DYNLRB2: variants seen among roughly 807,000 people sequenced by gnomAD.
The protein encoded by DYNLRB2 is bithoraxoid-like protein.
DYNLRB2 carries 14 observed loss-of-function variants against 12.6 expected under a neutral mutation model. That is an observed-to-expected ratio of 1.11 (90% CI 0.73 to 1.73). The LOEUF (loss-of-function observed/expected upper bound fraction) is 1.73. DYNLRB2 is among the 40% of genes most tolerant of loss of function. The pLI is 0.00. For synonymous variants in DYNLRB2, 53 were observed against 37.0 expected (o/e 1.43, Z -1.57); for missense variants, 142 against 117.7 (o/e 1.21, Z -0.95).
intron 2 of DYNLRB2, among the ~76,000 whole-genome samples, chr16:80,545,569 A>T (rs967590010): frequency 1.3e-5 from 2 of 151,518 alleles, no homozygotes; most frequent in Non-Finnish European, 2.9e-5. Context: ...GGGTAGTGAG[A>T]TGAAAAGTGA....
chr16:80,546,409 A>G lies in DYNLRB2; in HGVS notation c.79+3058A>G, dbSNP rs1302578704. On this transcript the variant is annotated intron_variant, in intron 2 of 3. Transcript: ENST00000305904. The stretch of plus-strand genomic sequence containing the variant: ...CAAATCATTTTAGCATTTTCAGATT[A>G]TATTTGTGGTTAGGTCAGACTTCTA... 2.0e-5 allele frequency among the ~76,000 whole-genome samples: 3 copies of G among 152,192 alleles called. No homozygotes were observed. The East Asian group carries it at 5.8e-4, about 29-fold the overall frequency.
rs1447302952 is a variant in DYNLRB2, at chr16:80,550,593, G to A, written c.*35G>A. 2 of 1,612,492 alleles carry A rather than the reference G, an allele frequency of 1.2e-6. No homozygotes were observed. The highest frequency in any genetic ancestry group is 1.7e-6 in the Non-Finnish European group (2 of 1,178,732). ...GGCCAAGGCTGTTTAAGCGACACTG[G>A]GTTGGAAACACTTGGCTCTCTCATG... On this transcript the variant is annotated 3_prime_UTR_variant, in exon 4 of 4. Transcript: ENST00000305904.
chr16:80,541,596 A>AG (rs1904288934), intron 1 of DYNLRB2, among the ~76,000 whole-genome samples: 1 of 135,088 alleles, frequency 7.4e-6, no homozygotes, highest in African/African-American at 2.7e-5. Context: ...AAAAGAGGTA[A>AG]GAAAAAAAAA....
chr16:80,540,787 G>A (rs1295764754), upstream of DYNLRB2: 5 of 704,084 alleles, frequency 7.1e-6, no homozygotes, highest in Non-Finnish European at 1.0e-5. Flanking sequence ...ACAAACACAG[G>A]CCGGGAGCCT....
chr16:80,545,887 T>G (rs546523991), intron 2 of DYNLRB2, among the ~76,000 whole-genome samples: 1 of 151,680 alleles, frequency 6.6e-6, no homozygotes, highest in East Asian at 1.9e-4. Flanking sequence ...TTCACCATGG[T>G]TTCGATCTCC....
intron 1 of DYNLRB2, 56 bp downstream of exon 1, chr16:80,541,135 G>A: frequency 3.8e-6 from 6 of 1,585,306 alleles, no homozygotes; most frequent in Admixed American, 3.5e-5. Flanking sequence ...GACCGTCAAG[G>A]ACCTTCGCAC....
intron 2 of DYNLRB2, chr16:80,547,648 T>C: frequency 2.5e-6 from 1 of 401,740 alleles, no homozygotes; most frequent in Non-Finnish European, 4.9e-6. Context: ...TACTGAGCAT[T>C]GCACCCTTAG....
Position 80,541,036 on chromosome 16 carries a change from C to G in DYNLRB2, c.-41C>G. 1.9e-6 allele frequency: 3 copies of G among 1,602,484 alleles called. No individual in the cohort carries two copies. Among genetic ancestry groups the G allele is most frequent in the African/African-American group, 1.3e-5 (1 of 74,882 alleles). ...GTAGCGTTGTTGACATCCCGGGAGGCTGTGCCGCCGGCCTGAGCCCAGAGT... is the reference window on the plus strand; with the variant it reads ...GTAGCGTTGTTGACATCCCGGGAGGGTGTGCCGCCGGCCTGAGCCCAGAGT... On this transcript the variant is annotated 5_prime_UTR_variant, in exon 1 of 4. Coordinates refer to ENST00000305904, the MANE Select transcript of DYNLRB2 (RefSeq NM_130897.3).
intron 2 of DYNLRB2, among the ~76,000 whole-genome samples, chr16:80,548,542 T>C (rs1312636216): frequency 6.6e-6 from 1 of 152,042 alleles, no homozygotes; most frequent in East Asian, 1.9e-4. Flanking sequence ...ACCAACATGG[T>C]GAAACCCTGT....
At chr16:80,540,951 C>G (rs535572003), upstream of DYNLRB2, 7 of 1,534,390 alleles carry the variant, frequency 4.6e-6, no homozygotes, top group African/African-American at 8.2e-5. Flanking sequence ...CGCGAGCGCG[C>G]AGGCGCAGCC....
chr16:80,546,941 C>G (rs1031719636), intron 2 of DYNLRB2, among the ~76,000 whole-genome samples: 4 of 152,178 alleles, frequency 2.6e-5, no homozygotes, highest in African/African-American at 9.7e-5. Flanking sequence ...GTAGTGCCAT[C>G]AGATTTTAGA....
Position 80,549,600 on chromosome 16 carries a change from C to T in DYNLRB2, c.196C>T (p.Leu66=), listed in dbSNP as rs11866734. The T allele has an allele frequency of 0.22, 349,140 of 1,611,236 alleles. 40,983 individuals carry two copies. The highest frequency in any genetic ancestry group is 0.33 in the Middle Eastern group (2,007 of 6,050). Residue 66 remains leucine (L), a synonymous_variant, in exon 3 of 4, where the codon CTG becomes TTG. Coordinates refer to ENST00000305904, the MANE Select transcript of DYNLRB2 (RefSeq NM_130897.3). ...TVRDIDPQND[L]TFLRIRSKKH... The stretch of plus-strand genomic sequence containing the variant: ...TCGTGATATTGATCCTCAGAACGAC[C>T]TGACTTTTCTTAGGATCAGATCAAA...
Position 80,549,631 on chromosome 16 carries a change from A to G in DYNLRB2, c.227A>G (p.His76Arg), listed in dbSNP as rs1361028180. The G allele has an allele frequency of 6.9e-6, 11 of 1,603,488 alleles. No individual in the cohort carries two copies. Among genetic ancestry groups the G allele is most frequent in the Non-Finnish European group, 7.7e-6 (9 of 1,171,928 alleles). Reference sequence around the variant, plus strand: ...TTTCTTAGGATCAGATCAAAGAAACATGAAATCATGGTAGCTCCAGGTAAT... The same window carrying G: ...TTTCTTAGGATCAGATCAAAGAAACGTGAAATCATGGTAGCTCCAGGTAAT... The part of the protein sequence containing the change: ...LTFLRIRSKK[H>R]EIMVAPDKEY... The change falls in exon 3 of 4, where the codon CAT becomes CGT. Residue 76 changes from histidine (H) to arginine (R), a missense_variant. His to Arg is a conservative substitution (Grantham distance 29). Transcript: ENST00000305904.
chr16:80,541,398 A>C (rs1406663718), intron 1 of DYNLRB2: 1 of 984,528 alleles, frequency 1.0e-6, no homozygotes, highest in Admixed American at 6.1e-5. Flanking sequence ...GAGCCAGGAA[A>C]GTTTCCAAAG....
intron 2 of DYNLRB2, among the ~76,000 whole-genome samples, chr16:80,545,811 GA>G (rs1904424194): frequency 6.7e-6 from 1 of 149,990 alleles, no homozygotes; most frequent in Non-Finnish European, 1.5e-5. Flanking sequence ...AAGTAGCTGG[GA>G]CTACAGGCAC....
At chr16:80,546,933 AGTGCCATCAGATTTTAGAATGCAC>A in intron 2 of DYNLRB2, among the ~76,000 whole-genome samples, 1 of 152,370 alleles carries the variant, frequency 6.6e-6, no homozygotes, top group East Asian at 1.9e-4. Context: ...ATTGTAAAGT[AGTGCCATCAGATTTTAGAATGCAC>A]ATGCTCTTTG....
chr16:80,549,380 T>A, intron 2 of DYNLRB2, 104 bp from the exon 3 acceptor site: 2 of 1,202,124 alleles, frequency 1.7e-6, no homozygotes, highest in Non-Finnish European at 2.2e-6. Flanking sequence ...AGCCATCACT[T>A]TTTTCTCTTC....
chr16:80,541,812 G>A (rs10781994), intron 1 of DYNLRB2, among the ~76,000 whole-genome samples: 55,335 of 152,062 alleles, frequency 0.36, 12,460 homozygotes, highest in East Asian at 0.69. Flanking sequence ...GTGGCTGTAA[G>A]AAGCTGTGGA....
At chr16:80,543,485 C>G in intron 2 of DYNLRB2, 134 bp downstream of exon 2, 2 of 797,594 alleles carry the variant, frequency 2.5e-6, no homozygotes, top group South Asian at 3.7e-5. Flanking sequence ...CTGGCATTCA[C>G]TTACCAAACA....
Sources: gnomAD v4.1 joint callset for allele counts (sites outside exome capture counted in the v4.1 genomes callset) on GRCh38, gnomAD v4.1.1 for gene constraint, MANE v1.5 for transcripts, NCBI Gene and HGNC (gene_info 2026-07-23, HGNC 2026-07-21) for gene names.